The following SORCS3 variants were observed in gnomAD, a reference collection of about 807,000 sequenced individuals.
SORCS3 encodes the protein VPS10 domain-containing receptor SorCS3.
In SORCS3, 57 loss-of-function variants were observed where a neutral mutation model predicts 146.3. The observed-to-expected ratio is 0.39, with a 90% confidence interval of 0.31 to 0.49. The LOEUF (loss-of-function observed/expected upper bound fraction) is 0.49. Ranked by LOEUF, SORCS3 falls within the 20% of genes least tolerant of loss-of-function variation. The pLI is 0.92. For synonymous variants in SORCS3, 653 were observed against 618.5 expected (o/e 1.06, Z -0.83); for missense variants, 1,341 against 1,575.5 (o/e 0.85, Z 2.52).
intron 2 of SORCS3, among the ~76,000 whole-genome samples, chr10:104,867,225 G>A (rs1321503755): frequency 2.6e-5 from 4 of 151,370 alleles, no homozygotes; most frequent in African/African-American, 4.9e-5. Flanking sequence ...AGAGGAGGGG[G>A]TGCTTTTTTT....
intron 1 of SORCS3, among the ~76,000 whole-genome samples, chr10:104,785,434 A>C (rs1020962614): frequency 2.8e-5 from 4 of 142,054 alleles, no homozygotes; most frequent in Non-Finnish European, 6.1e-5. Context: ...AATCAGGGAC[A>C]CAAACACTGC....
chr10:105,162,724 G>T (rs2056276090), intron 11 of SORCS3, among the ~76,000 whole-genome samples: 1 of 152,150 alleles, frequency 6.6e-6, no homozygotes, highest in South Asian at 2.1e-4. Context: ...TTGAAAGAGA[G>T]GCTAAAGATG....
intron 5 of SORCS3, among the ~76,000 whole-genome samples, chr10:105,079,879 G>C (rs2055611903): frequency 6.6e-6 from 1 of 152,138 alleles, no homozygotes; most frequent in Admixed American, 6.6e-5. Flanking sequence ...TTCTTGCAAA[G>C]GACCTGATCT....
chr10:105,081,914 A>G (rs1442741012), intron 5 of SORCS3, among the ~76,000 whole-genome samples: 24 of 152,230 alleles, frequency 1.6e-4, no homozygotes, highest in Non-Finnish European at 1.5e-4. Flanking sequence ...GGACACAGGC[A>G]GGAAAGTGAG....
intron 6 of SORCS3, among the ~76,000 whole-genome samples, chr10:105,098,663 A>G (rs961597296): frequency 1.3e-5 from 2 of 152,212 alleles, no homozygotes; most frequent in South Asian, 2.1e-4. Flanking sequence ...AATAATTGTA[A>G]CTCCCTGGGT....
chr10:105,253,261 T>C (rs745605397), intron 23 of SORCS3, among the ~76,000 whole-genome samples: 9 of 152,130 alleles, frequency 5.9e-5, no homozygotes, highest in Non-Finnish European at 1.2e-4. Context: ...TGAATTTCCT[T>C]GTTTATTTCT....
intron 2 of SORCS3, among the ~76,000 whole-genome samples, chr10:104,876,657 A>G (rs1375925353): frequency 6.6e-6 from 1 of 151,570 alleles, no homozygotes; most frequent in Non-Finnish European, 1.5e-5. Context: ...ACTCCACACC[A>G]TTGTCAGATG....
intron 3 of SORCS3, among the ~76,000 whole-genome samples, chr10:104,956,906 G>C (rs575607381): frequency 2.0e-5 from 3 of 152,112 alleles, no homozygotes; most frequent in Non-Finnish European, 4.4e-5. Flanking sequence ...GAATACCCTG[G>C]AGCTATAGTG....
intron 3 of SORCS3, among the ~76,000 whole-genome samples, chr10:104,940,239 T>TATATATATATATA (rs1554861474): frequency 0.016 from 231 of 14,246 alleles, no homozygotes; most frequent in Admixed American, 0.023. Context: ...TATATATATA[T>TATATATATATATA]TTTTTTTTTT....
intron 19 of SORCS3, among the ~76,000 whole-genome samples, chr10:105,219,071 G>A (rs1462522904): frequency 6.6e-6 from 1 of 152,182 alleles, no homozygotes; most frequent in Admixed American, 6.5e-5. Flanking sequence ...GAGGCTGTGA[G>A]AATCAAACTG....
At chr10:104,760,728 A>G (rs2017110517) in intron 1 of SORCS3, among the ~76,000 whole-genome samples, 1 of 152,188 alleles carries the variant, frequency 6.6e-6, no homozygotes, top group Admixed American at 6.5e-5. Flanking sequence ...GTGACGACAG[A>G]CAGACTGTAG....
Position 105,223,096 on chromosome 10 carries a change from T to A in SORCS3, c.2735-20T>A. 6.3e-7 allele frequency: 1 copy of A among 1,585,508 alleles called. No individual in the cohort carries two copies. The highest frequency in any genetic ancestry group is 8.6e-7 in the Non-Finnish European group (1 of 1,161,370). On this transcript the variant is annotated intron_variant, in intron 19 of 26. Transcript: ENST00000369701. ...CACATCCAGAATATAAACACTGACTTTTTTTTTCTGTTTCCTTAGGTCCTG... is the reference window on the plus strand; with the variant it reads ...CACATCCAGAATATAAACACTGACTATTTTTTTCTGTTTCCTTAGGTCCTG...
rs140127631 is a variant in SORCS3 at position 104,788,930 on chromosome 10, C to T, written c.628-53862C>T. Among the ~76,000 whole-genome samples the T allele has an allele frequency of 2.9e-4, 44 of 152,296 alleles. 1 individual carries two copies. The South Asian group carries it at 5.0e-3, about 17-fold the overall frequency. On this transcript the variant is annotated intron_variant, in intron 1 of 26. Coordinates refer to ENST00000369701, the MANE Select transcript of SORCS3 (RefSeq NM_014978.3). ...CACATAAATTGCATTTACACCACAC[C>T]GATTTGTTATGTGCCATCTGTTAGA...
intron 2 of SORCS3, among the ~76,000 whole-genome samples, chr10:104,859,051 G>A (rs879650715): frequency 7.9e-5 from 12 of 152,018 alleles, no homozygotes; most frequent in African/African-American, 2.7e-4. Context: ...GCTTGTATGT[G>A]TGTGTGTGTG....
Position 105,083,680 on chromosome 10 carries a change from A to G in SORCS3, c.1029-6095A>G, listed in dbSNP as rs562104073. Among the ~76,000 whole-genome samples, 3 of 152,148 alleles carry G rather than the reference A, an allele frequency of 2.0e-5. No homozygotes were observed. The East Asian group carries it at 5.8e-4, about 29-fold the overall frequency. On this transcript the variant is annotated intron_variant, in intron 5 of 26. Coordinates refer to ENST00000369701, the MANE Select transcript of SORCS3 (RefSeq NM_014978.3). ...AAAAATCTTCAGTCACTACTCCTCT[A>G]CTGTTGGCCCAACCTCCTTTTTCTA... is the stretch of plus-strand genomic sequence containing the variant.
At chr10:104,701,312 A>G (rs922173525) in intron 1 of SORCS3, among the ~76,000 whole-genome samples, 12 of 152,254 alleles carry the variant, frequency 7.9e-5, no homozygotes, top group African/African-American at 2.4e-4. Flanking sequence ...TGGCTGATAC[A>G]GGAAGTAGTA....
chr10:104,985,773 G>T (rs1036939121), intron 4 of SORCS3, among the ~76,000 whole-genome samples: 2 of 152,146 alleles, frequency 1.3e-5, no homozygotes, highest in Non-Finnish European at 2.9e-5. Flanking sequence ...GAGTGACCAG[G>T]TGCATTGTTA....
At chr10:104,890,291 T>A (rs1444524552) in intron 2 of SORCS3, among the ~76,000 whole-genome samples, 1 of 152,198 alleles carries the variant, frequency 6.6e-6, no homozygotes, top group Non-Finnish European at 1.5e-5. Flanking sequence ...TTAGAGACTC[T>A]GATTACAACT....
intron 2 of SORCS3, among the ~76,000 whole-genome samples, chr10:104,904,823 A>T (rs1363803180): frequency 6.7e-6 from 1 of 149,944 alleles, no homozygotes; most frequent in Admixed American, 6.6e-5. Flanking sequence ...TTCTACCATA[A>T]ATTTTCAGTA....
Sources: allele counts gnomAD v4.1 joint callset (sites outside exome capture counted in the v4.1 genomes callset), GRCh38; gene constraint gnomAD v4.1.1; transcripts MANE v1.5; gene names NCBI Gene and HGNC (gene_info 2026-07-23, HGNC 2026-07-21).